KIAA0232: variants seen among roughly 807,000 people sequenced by gnomAD.
The protein encoded by KIAA0232 is KIAA0232, also known as uncharacterized protein KIAA0232.
KIAA0232 carries 27 observed loss-of-function variants against 122.0 expected under a neutral mutation model. That is an observed-to-expected ratio of 0.22 (90% CI 0.16 to 0.31). The LOEUF (loss-of-function observed/expected upper bound fraction) is 0.31, where lower values mean the gene tolerates loss of function less well. Ranked by LOEUF, KIAA0232 falls within the 10% of genes least tolerant of loss-of-function variation. KIAA0232 has a pLI of 1.00. For synonymous variants in KIAA0232, 613 were observed against 587.6 expected (o/e 1.04, Z -0.63); for missense variants, 1,551 against 1,634.2 (o/e 0.95, Z 0.88).
chr4:6,820,566 T>C (rs1420298413), intron 2 of KIAA0232, among the ~76,000 whole-genome samples: 2 of 152,198 alleles, frequency 1.3e-5, no homozygotes, highest in African/African-American at 4.8e-5. Context: ...TACAAGAACT[T>C]AATAATAGTA....
chr4:6,830,626 C>CG (rs1718922823), intron 3 of KIAA0232, among the ~76,000 whole-genome samples: 1 of 151,904 alleles, frequency 6.6e-6, no homozygotes, highest in Non-Finnish European at 1.5e-5. Context: ...AGGCTGGTCT[C>CG]GAACTCCTGG....
chr4:6,847,930 C>T (rs1467810698), intron 4 of KIAA0232, among the ~76,000 whole-genome samples: 1 of 151,716 alleles, frequency 6.6e-6, no homozygotes, highest in Admixed American at 6.6e-5. Context: ...AAAGCTAGTA[C>T]TTTATCTCCC....
intron 1 of KIAA0232, among the ~76,000 whole-genome samples, chr4:6,792,631 G>A (rs906804322): frequency 1.3e-5 from 2 of 151,820 alleles, no homozygotes; most frequent in Non-Finnish European, 2.9e-5. Flanking sequence ...GCATCATACA[G>A]GGCCCTTGCT....
chr4:6,861,446 G>A lies in KIAA0232; in HGVS notation c.1064G>A (p.Ser355Asn). The change falls in exon 7 of 10, where the codon AGC becomes AAC. Residue 355 changes from serine (S) to asparagine (N), a missense_variant. Around this residue, in one of 5 missense-constraint regions of KIAA0232, gnomAD observed 377 missense variants for 381.7 expected, o/e 0.99. Coordinates refer to ENST00000307659, the MANE Select transcript of KIAA0232 (RefSeq NM_014743.3). ...NIHTGSSSSS[S>N]SGSVKQLCKR... The stretch of plus-strand genomic sequence containing the variant: ...CATACTGGAAGTAGTAGCAGTAGCA[G>A]CAGTGGTTCTGTCAAACAGCTGTGC... 2.5e-6 allele frequency: 4 copies of A among 1,614,196 alleles called. No homozygotes were observed. The highest frequency in any genetic ancestry group is 3.4e-6 in the Non-Finnish European group (4 of 1,180,036).
chr4:6,858,382 C>G lies in KIAA0232; in HGVS notation c.437-43C>G, dbSNP rs988145552. ...TTTGAAATACATTAGCATTTATTAA[C>G]TAGATATAAGACAAATCTTTCTTAA... On this transcript the variant is annotated intron_variant, in intron 5 of 9. Transcript: ENST00000307659. 3 of 1,183,526 alleles carry G rather than the reference C, an allele frequency of 2.5e-6. No homozygotes were observed. The African/African-American group carries it at 4.7e-5, about 19-fold the overall frequency. 73.3% of individuals were successfully genotyped at this position (1,183,526 alleles called of 1,614,324 possible). A position where few individuals can be genotyped will look rare whatever the true frequency, so the allele number is the denominator to read the frequency against.
In KIAA0232 at chr4:6,883,581, C is replaced by G. The variant is rs1722179718; in HGVS notation, c.*2615C>G. The G allele has an allele frequency of 6.6e-6, 1 of 152,186 alleles. No homozygotes were observed. Among genetic ancestry groups the G allele is most frequent in the Admixed American group, 6.5e-5 (1 of 15,282 alleles). The allele number at this position is 152,186 out of a possible 1,614,324, so 9.4% of individuals were successfully genotyped here. On this transcript the variant is annotated 3_prime_UTR_variant, in exon 10 of 10. Coordinates refer to ENST00000307659, the MANE Select transcript of KIAA0232 (RefSeq NM_014743.3). ...CCTGCTGAGAAATCAGCGGCTCCTC[C>G]CCATCTCACCCCCAGCACACGCAGG...
chr4:6,801,841 T>G (rs566042925), intron 1 of KIAA0232, among the ~76,000 whole-genome samples: 8 of 152,328 alleles, frequency 5.3e-5, no homozygotes, highest in African/African-American at 1.9e-4. Context: ...GCGAGGATGA[T>G]CATTTTGTGC....
At chr4:6,860,870 C>T (rs781283279) in intron 6 of KIAA0232, 31 bp from the exon 7 acceptor site, 14 of 1,579,626 alleles carry the variant, frequency 8.9e-6, no homozygotes, top group South Asian at 1.2e-5. Flanking sequence ...TCTGCATACT[C>T]GTGTTTTGAA....
intron 1 of KIAA0232, among the ~76,000 whole-genome samples, chr4:6,790,915 CTTTTTTTTT>C (rs35766310): frequency 2.2e-5 from 2 of 92,940 alleles, no homozygotes; most frequent in African/African-American, 4.7e-5. Context: ...TTTTTATATA[CTTTTTTTTT>C]TTTTTTTTTT....
At chr4:6,804,629 G>T (rs1304341563) in intron 2 of KIAA0232, 23 bp downstream of exon 2, 1 of 152,126 alleles carries the variant, frequency 6.6e-6, no homozygotes, top group Non-Finnish European at 1.5e-5. Context: ...GTGTATGTGG[G>T]AAATGGGAAA....
At position 6,876,720 on chromosome 4, in the gene KIAA0232, C is replaced by T. The variant is rs757533005; in HGVS notation, c.3971C>T (p.Thr1324Ile). ...GLEEYPDAKE[T>I]PSNEERLLDF... ...GAAGAATATCCAGATGCTAAAGAGA[C>T]ACCCAGTAATGAAGAGCGCCTGTTA... Residue 1324 changes from threonine to isoleucine, a missense_variant, in exon 9 of 10, where the codon ACA (threonine) becomes ATA (isoleucine). By Grantham distance (89) the Thr-to-Ile change is moderately conservative (BLOSUM62 -1). Transcript: ENST00000307659. 1.7e-5 allele frequency: 28 copies of T among 1,612,984 alleles called. No homozygotes were observed. In the Middle Eastern group the frequency reaches 9.9e-4, roughly 57 times the overall value.
chr4:6,839,626 C>G (rs1719537401), intron 3 of KIAA0232, among the ~76,000 whole-genome samples: 1 of 152,096 alleles, frequency 6.6e-6, no homozygotes, highest in Non-Finnish European at 1.5e-5. Flanking sequence ...TAGGAGGGGC[C>G]TGATGCTGTA....
chr4:6,807,020 G>T (rs560327854), intron 2 of KIAA0232, among the ~76,000 whole-genome samples: 11 of 109,342 alleles, frequency 1.0e-4, no homozygotes, highest in Non-Finnish European at 2.3e-4. Flanking sequence ...TTTCCTTTTT[G>T]TCTGTCTGTC....
intron 2 of KIAA0232, among the ~76,000 whole-genome samples, chr4:6,811,598 A>G (rs1717880276): frequency 6.6e-6 from 1 of 151,956 alleles, no homozygotes; most frequent in African/African-American, 2.4e-5. Flanking sequence ...GCAAGCCACC[A>G]TGCCTGGCTG....
At chr4:6,879,773 G>T (rs1409211097) in intron 9 of KIAA0232, among the ~76,000 whole-genome samples, 1 of 151,598 alleles carries the variant, frequency 6.6e-6, no homozygotes, top group Admixed American at 6.6e-5. Flanking sequence ...CTTCTCAGCT[G>T]AGCGGGCCTC....
chr4:6,836,006 A>G (rs781772293), intron 3 of KIAA0232, among the ~76,000 whole-genome samples: 6 of 152,220 alleles, frequency 3.9e-5, no homozygotes, highest in Non-Finnish European at 5.9e-5. Context: ...GCTGGGTCCA[A>G]TGGTATTTCT....
chr4:6,864,737 C>CAAAA (rs59573520), intron 7 of KIAA0232, among the ~76,000 whole-genome samples: 1,110 of 69,970 alleles, frequency 0.016, 67 homozygotes, highest in Non-Finnish European at 0.021. Flanking sequence ...GACTCCATCT[C>CAAAA]AAAAAAAAAA....
At chr4:6,872,570 A>C (rs186962591) in intron 8 of KIAA0232, among the ~76,000 whole-genome samples, 1 of 152,336 alleles carries the variant, frequency 6.6e-6, no homozygotes, top group African/African-American at 2.4e-5. Flanking sequence ...CTAAGGATGC[A>C]ACCAGAATTG....
chr4:6,836,528 C>CTTTTTTTT (rs1323217192), intron 3 of KIAA0232, among the ~76,000 whole-genome samples: 2 of 95,702 alleles, frequency 2.1e-5, no homozygotes, highest in African/African-American at 7.7e-5. Context: ...TGTCCTTTTT[C>CTTTTTTTT]TTTTTTTTTT....
Sources: gnomAD v4.1 joint callset for allele counts (sites outside exome capture counted in the v4.1 genomes callset) on GRCh38, gnomAD v4.1.1 for gene constraint, gnomAD v4.1.1 regional missense constraint, MANE v1.5 for transcripts, NCBI Gene and HGNC (gene_info 2026-07-23, HGNC 2026-07-21) for gene names.